PCDH15: variants seen among roughly 807,000 people sequenced by gnomAD.
PCDH15 encodes protocadherin related 15.
PCDH15 carries 129 observed loss-of-function variants against 178.5 expected under a neutral mutation model. The observed-to-expected ratio is 0.72, with a 90% CI of 0.63 to 0.84. PCDH15 has a LOEUF of 0.84. Ranked by LOEUF, PCDH15 falls within the 40% of genes least tolerant of loss-of-function variation. The pLI is 0.00. For missense variants in PCDH15, 2,230 were observed against 2,099.9 expected, an observed-to-expected ratio of 1.06 and a Z score of -1.21; for synonymous variants, 800 against 732.0, an observed-to-expected ratio of 1.09 and a Z score of -1.50.
chr10:55,585,017 C>T (rs1048691339), intron 2 of PCDH15, among the ~76,000 whole-genome samples: 1 of 150,344 alleles, frequency 6.7e-6, no homozygotes, highest in Non-Finnish European at 1.5e-5. Context: ...ATATTCTATT[C>T]AGATAATGGA....
intron 2 of PCDH15, among the ~76,000 whole-genome samples, chr10:54,995,343 T>G (rs990297088): frequency 7.0e-6 from 1 of 142,190 alleles, no homozygotes; most frequent in Non-Finnish European, 1.5e-5. Flanking sequence ...ATCACTGCAC[T>G]CCAGCCTGGA....
intron 2 of PCDH15, among the ~76,000 whole-genome samples, chr10:55,464,131 G>A (rs1244996114): frequency 6.6e-6 from 1 of 151,962 alleles, no homozygotes; most frequent in Non-Finnish European, 1.5e-5. Context: ...CTCCCTACCG[G>A]GAGTCGGATC....
chr10:54,159,006 G>A (rs971564054), intron 13 of PCDH15, among the ~76,000 whole-genome samples: 6 of 151,802 alleles, frequency 4.0e-5, no homozygotes, highest in Non-Finnish European at 8.8e-5. Context: ...GTTTTTGGGA[G>A]GCTGAGGCAG....
At chr10:54,977,233 G>A (rs2131899912) in intron 2 of PCDH15, among the ~76,000 whole-genome samples, 1 of 152,210 alleles carries the variant, frequency 6.6e-6, no homozygotes, top group East Asian at 1.9e-4. Flanking sequence ...TGCATTCATA[G>A]GAGATTAGGC....
chr10:55,141,502 T>C (rs1403392909), intron 2 of PCDH15, among the ~76,000 whole-genome samples: 1 of 152,092 alleles, frequency 6.6e-6, no homozygotes, highest in East Asian at 1.9e-4. Flanking sequence ...GCTGAAGCCA[T>C]CTTTGGCCAA....
In PCDH15 at chr10:54,090,389, T is replaced by C. The variant is rs537047081; in HGVS notation, c.1918-326A>G. Among the ~76,000 whole-genome samples the C allele has an allele frequency of 4.6e-5, 7 of 152,300 alleles. No homozygotes were observed. In the East Asian group the frequency reaches 1.4e-3, roughly 29 times the overall value. ...TGGGCACAGTGGCTCAAGCCTGTAATCCTAGCACTTTGGGAGGCCAAGGTG... is the reference window on the plus strand; with the variant it reads ...TGGGCACAGTGGCTCAAGCCTGTAACCCTAGCACTTTGGGAGGCCAAGGTG... On this transcript the variant is annotated intron_variant, in intron 15 of 37. Transcript: ENST00000644397.
chr10:54,067,961 TTTTA>T (rs1181572688), intron 17 of PCDH15, among the ~76,000 whole-genome samples: 1 of 142,772 alleles, frequency 7.0e-6, no homozygotes, highest in Non-Finnish European at 1.6e-5. Flanking sequence ...AAGTGATTTT[TTTTA>T]TTTTTTATTT....
chr10:54,690,241 T>C (rs750338436), intron 1 of PCDH15, among the ~76,000 whole-genome samples: 5 of 152,022 alleles, frequency 3.3e-5, no homozygotes, highest in Non-Finnish European at 5.9e-5. Context: ...TATGCAATTA[T>C]ATATAGTACA....
intron 1 of PCDH15, among the ~76,000 whole-genome samples, chr10:54,682,277 C>T (rs1482532536): frequency 3.9e-5 from 6 of 152,070 alleles, no homozygotes; most frequent in Admixed American, 6.6e-5. Context: ...CTTAAATATA[C>T]GTGTTCATGG....
intron 14 of PCDH15, among the ~76,000 whole-genome samples, chr10:54,140,270 C>T (rs1363201031): frequency 6.6e-6 from 1 of 152,120 alleles, no homozygotes; most frequent in African/African-American, 2.4e-5. Context: ...ATTTGCTATT[C>T]TGCATCACAT....
chr10:54,680,409 C>G (rs981532766), intron 1 of PCDH15, among the ~76,000 whole-genome samples: 2 of 152,006 alleles, frequency 1.3e-5, no homozygotes, highest in Non-Finnish European at 2.9e-5. Flanking sequence ...TTTTAAGACT[C>G]TTTTCACCTT....
In PCDH15 at chr10:55,262,964, C is replaced by T. The variant is rs114323014; in HGVS notation, c.-156+56635G>A. Among the ~76,000 whole-genome samples the T allele has an allele frequency of 5.8e-3, 877 of 152,300 alleles. 6 individuals carry two copies. The highest frequency in any genetic ancestry group is 0.02 in the African/African-American group (827 of 41,566). On this transcript the variant is annotated intron_variant, in intron 1 of 5. Transcript: ENST00000458638. ...ATGCTGCTTTGGGGTCAGAGCCCCACAGCCTGCCCATCTGCATGCTCCCCT... is the reference window on the plus strand; with the variant it reads ...ATGCTGCTTTGGGGTCAGAGCCCCATAGCCTGCCCATCTGCATGCTCCCCT...
At chr10:55,023,790 C>A in intron 2 of PCDH15, among the ~76,000 whole-genome samples, 1 of 150,970 alleles carries the variant, frequency 6.6e-6, no homozygotes, top group East Asian at 1.9e-4. Context: ...CATATACACA[C>A]ATATTCATAT....
At chr10:53,920,684 C>T (rs573702450) in intron 25 of PCDH15, among the ~76,000 whole-genome samples, 2 of 152,272 alleles carry the variant, frequency 1.3e-5, no homozygotes, top group South Asian at 4.1e-4. Flanking sequence ...ATATCTCTTT[C>T]ATCTAAAGAA....
chr10:54,700,956 C>A (rs573937201), intron 1 of PCDH15, among the ~76,000 whole-genome samples: 15 of 152,192 alleles, frequency 9.9e-5, no homozygotes, highest in Non-Finnish European at 1.9e-4. Context: ...TTAAATGCTG[C>A]TAGAAAGAGG....
intron 3 of PCDH15, among the ~76,000 whole-genome samples, chr10:54,518,507 C>T (rs2082470114): frequency 6.6e-6 from 1 of 151,736 alleles, no homozygotes; most frequent in African/African-American, 2.4e-5. Flanking sequence ...CAAGACTAAA[C>T]CAGGAAGAAG....
chr10:55,292,243 A>T (rs955972986), intron 1 of PCDH15, among the ~76,000 whole-genome samples: 3 of 152,244 alleles, frequency 2.0e-5, no homozygotes, highest in African/African-American at 7.2e-5. Flanking sequence ...CTTCCTAGAT[A>T]CAATGAGGTA....
intron 21 of PCDH15, among the ~76,000 whole-genome samples, chr10:53,962,978 C>G (rs1057450893): frequency 6.6e-6 from 1 of 152,084 alleles, no homozygotes; most frequent in Non-Finnish European, 1.5e-5. Context: ...AGTTTTACTT[C>G]AAACCTAAAC....
intron 8 of PCDH15, among the ~76,000 whole-genome samples, chr10:54,273,535 A>T (rs908308512): frequency 6.6e-6 from 1 of 152,124 alleles, no homozygotes; most frequent in African/African-American, 2.4e-5. Flanking sequence ...AATGTAAGCC[A>T]TAATGAGCAC....
Sources: gnomAD v4.1 joint callset for allele counts (sites outside exome capture counted in the v4.1 genomes callset) on GRCh38, gnomAD v4.1.1 for gene constraint, MANE v1.5 for transcripts, NCBI Gene and HGNC (gene_info 2026-07-23, HGNC 2026-07-21) for gene names.